ADARB2: variants seen among roughly 807,000 people sequenced by gnomAD.
ADARB2 encodes the protein inactive double-stranded RNA-specific editase B2.
ADARB2 carries 25 observed loss-of-function variants against 62.2 expected under a neutral mutation model. The observed-to-expected ratio is 0.40, with a 90% CI of 0.29 to 0.56. The LOEUF (loss-of-function observed/expected upper bound fraction) is 0.56. Among genes scored for constraint, ADARB2 ranks in the 20% least tolerant of loss-of-function variants. The pLI is 0.43. For missense variants in ADARB2, 1,071 were observed against 1,077.4 expected (o/e 0.99, Z 0.08); for synonymous variants, 572 against 500.8 (o/e 1.14, Z -1.90).
chr10:1,218,389 G>A (rs760216793), intron 6 of ADARB2, among the ~76,000 whole-genome samples: 8 of 152,198 alleles, frequency 5.3e-5, no homozygotes, highest in Non-Finnish European at 1.2e-4. Context: ...ATTGTAATAT[G>A]GAAATGGCCC....
intron 1 of ADARB2, among the ~76,000 whole-genome samples, chr10:1,530,184 C>T (rs879278632): frequency 2.0e-5 from 3 of 152,246 alleles, no homozygotes; most frequent in Non-Finnish European, 2.9e-5. Context: ...CACCTGTTGC[C>T]CCTGCTATGG....
intron 3 of ADARB2, among the ~76,000 whole-genome samples, chr10:1,305,670 C>T (rs997157784): frequency 5.9e-5 from 9 of 151,496 alleles, no homozygotes; most frequent in South Asian, 2.1e-4. Context: ...ACTGGCAAAC[C>T]GAATCCAGCA....
intron 1 of ADARB2, among the ~76,000 whole-genome samples, chr10:1,424,363 C>A (rs1466539879): frequency 3.3e-5 from 5 of 152,186 alleles, no homozygotes; most frequent in African/African-American, 1.2e-4. Context: ...AGAAGAAAGG[C>A]TGAACACCCC....
At chr10:1,517,743 A>G in intron 1 of ADARB2, among the ~76,000 whole-genome samples, 1 of 152,128 alleles carries the variant, frequency 6.6e-6, no homozygotes, top group East Asian at 1.9e-4. Flanking sequence ...GAATCCTGAA[A>G]AGAGCCTGCC....
At position 1,528,129 on chromosome 10, in the gene ADARB2, G is replaced by T. The variant is rs377269645; in HGVS notation, c.101-148969C>A. ...GCAGCCTCTCGACAAACTCGTGTCC[G>T]CGGCTGTGGGCTACGTTCTCGCCAA... On this transcript the variant is annotated intron_variant, in intron 1 of 9. Coordinates refer to ENST00000381312, the MANE Select transcript of ADARB2 (RefSeq NM_018702.4). Among the ~76,000 whole-genome samples, 72 of 152,326 alleles carry T rather than the reference G, an allele frequency of 4.7e-4. 1 individual carries two copies. The highest frequency in any genetic ancestry group is 1.5e-3 in the African/African-American group (61 of 41,564).
chr10:1,383,018 G>T (rs931460944), intron 1 of ADARB2, among the ~76,000 whole-genome samples: 1 of 152,202 alleles, frequency 6.6e-6, no homozygotes, highest in African/African-American at 2.4e-5. Context: ...TTCAGGAAAG[G>T]TCTGATGGCC....
chr10:1,495,241 A>C (rs1831671752), intron 1 of ADARB2, among the ~76,000 whole-genome samples: 1 of 152,224 alleles, frequency 6.6e-6, no homozygotes, highest in African/African-American at 2.4e-5. Flanking sequence ...GCTTTAAGAG[A>C]ATTGCCAATA....
chr10:1,438,348 G>C (rs1434602059), intron 1 of ADARB2, among the ~76,000 whole-genome samples: 1 of 147,040 alleles, frequency 6.8e-6, no homozygotes, highest in Non-Finnish European at 1.5e-5. Flanking sequence ...TCATGATGGG[G>C]CTCCTGAGTC....
Position 1,498,375 on chromosome 10 carries a change from C to CAAATAAATAAAT in ADARB2, c.101-119227_101-119216dup, listed in dbSNP as rs146551454. 9.4e-3 allele frequency among the ~76,000 whole-genome samples: 1,378 copies of CAAATAAATAAAT among 147,246 alleles called. 13 individuals carry two copies. Among genetic ancestry groups the CAAATAAATAAAT allele is most frequent in the African/African-American group, 0.022 (895 of 39,806 alleles). ...AGGCAACAAGAGTGAAACTCTGTCT[C>CAAATAAATAAAT]AAATAAATAAATAAATAAATAAATA... On this transcript the variant is annotated intron_variant, in intron 1 of 9. Coordinates refer to ENST00000381312, the MANE Select transcript of ADARB2 (RefSeq NM_018702.4).
chr10:1,570,278 C>CT (rs1234370800), intron 1 of ADARB2, among the ~76,000 whole-genome samples: 5 of 152,060 alleles, frequency 3.3e-5, no homozygotes, highest in Admixed American at 6.6e-5. Flanking sequence ...CTCGAGACTG[C>CT]TTTTTTTTAA....
chr10:1,640,281 C>T (rs1833965166), intron 1 of ADARB2, among the ~76,000 whole-genome samples: 1 of 152,200 alleles, frequency 6.6e-6, no homozygotes, highest in Non-Finnish European at 1.5e-5. Context: ...TCAAGCTCTC[C>T]TTCTGAACGC....
chr10:1,191,160 A>C (rs920503650), intron 8 of ADARB2, among the ~76,000 whole-genome samples: 4 of 152,212 alleles, frequency 2.6e-5, no homozygotes, highest in Admixed American at 2.6e-4. Context: ...AGGGGTTTGC[A>C]GGTGGCAGCT....
chr10:1,645,924 G>T (rs868518618), intron 1 of ADARB2, among the ~76,000 whole-genome samples: 1 of 152,176 alleles, frequency 6.6e-6, no homozygotes, highest in East Asian at 1.9e-4. Context: ...GGGAAGGTGC[G>T]CTGTGAGGTG....
At chr10:1,454,291 G>A (rs1451255227) in intron 1 of ADARB2, among the ~76,000 whole-genome samples, 3 of 152,204 alleles carry the variant, frequency 2.0e-5, no homozygotes, top group African/African-American at 7.2e-5. Context: ...ACTGGGAATT[G>A]TGGGAGCTAC....
At chr10:1,324,272 G>A (rs557827224) in intron 3 of ADARB2, among the ~76,000 whole-genome samples, 1 of 152,308 alleles carries the variant, frequency 6.6e-6, no homozygotes, top group Non-Finnish European at 1.5e-5. Context: ...AGAAGGGCCC[G>A]GGTGGGTCCC....
At position 1,251,953 on chromosome 10, in the gene ADARB2, C is replaced by G. The variant is rs557468653; in HGVS notation, c.1193-9654G>C. On this transcript the variant is annotated intron_variant, in intron 4 of 9. Transcript: ENST00000381312. ...CTGCTGACGTCTGGATTGTGGACTT[C>G]CCAGCCCCCAGAACTGTGAGCAATG... Among the ~76,000 whole-genome samples the G allele has an allele frequency of 2.5e-4, 38 of 152,328 alleles. 1 individual carries two copies. Among genetic ancestry groups the G allele is most frequent in the African/African-American group, 8.7e-4 (36 of 41,566 alleles).
chr10:1,442,877 G>C (rs994306229), intron 1 of ADARB2, among the ~76,000 whole-genome samples: 1 of 151,882 alleles, frequency 6.6e-6, no homozygotes, highest in East Asian at 1.9e-4. Flanking sequence ...ATGGACAAGA[G>C]GAAAAACAAA....
chr10:1,314,973 G>A (rs899302581), intron 3 of ADARB2, among the ~76,000 whole-genome samples: 3 of 152,142 alleles, frequency 2.0e-5, no homozygotes, highest in Admixed American at 6.5e-5. Context: ...GGTGTCAGCC[G>A]CACTCTCCAC....
intron 1 of ADARB2, among the ~76,000 whole-genome samples, chr10:1,619,154 G>A (rs1301940172): frequency 1.3e-5 from 2 of 152,136 alleles, no homozygotes; most frequent in Admixed American, 6.6e-5. Flanking sequence ...CATATCATTA[G>A]TTGCATTAAA....
Sources: allele counts gnomAD v4.1 joint callset (sites outside exome capture counted in the v4.1 genomes callset), GRCh38; gene constraint gnomAD v4.1.1; transcripts MANE v1.5; gene names NCBI Gene and HGNC (gene_info 2026-07-23, HGNC 2026-07-21).